RFWD3: variants seen among roughly 807,000 people sequenced by gnomAD.
RFWD3 encodes the protein ring finger and WD repeat domain 3.
In RFWD3, 65 loss-of-function variants were observed where a neutral mutation model predicts 87.7. The ratio of observed to expected loss-of-function variants is 0.74; its 90% CI spans 0.61 to 0.91. The LOEUF is 0.91. Among genes scored for constraint, RFWD3 ranks in the 40% least tolerant of loss-of-function variants. The pLI is 0.00. For missense variants in RFWD3, 1,078 were observed against 938.5 expected, an observed-to-expected ratio of 1.15 and a Z score of -1.94; for synonymous variants, 433 against 352.8, an observed-to-expected ratio of 1.23 and a Z score of -2.55.
chr16:74,651,093 GATTT>G (rs1960526588), intron 3 of RFWD3, among the ~76,000 whole-genome samples: 1 of 152,140 alleles, frequency 6.6e-6, no homozygotes, highest in Admixed American at 6.6e-5. Context: ...GATTTTCATT[GATTT>G]ATTATATTTC....
chr16:74,639,512 TGTGAAAGACACAAGAAAACA>T (rs1366317447), intron 6 of RFWD3, among the ~76,000 whole-genome samples: 1 of 152,188 alleles, frequency 6.6e-6, no homozygotes, highest in Non-Finnish European at 1.5e-5. Context: ...AAAATACACT[TGTGAAAGACACAAGAAAACA>T]GTGAACAAAT....
intron 2 of RFWD3, among the ~76,000 whole-genome samples, chr16:74,655,406 ATT>A (rs771700177): frequency 2.8e-5 from 4 of 143,798 alleles, no homozygotes; most frequent in Admixed American, 6.9e-5. Context: ...CGCCTGGCTA[ATT>A]TTTTTTTTTT....
chr16:74,628,406 C>T, intron 11 of RFWD3, 46 bp downstream of exon 11: 2 of 1,575,348 alleles, frequency 1.3e-6, no homozygotes, highest in Non-Finnish European at 1.7e-6. Flanking sequence ...CTTTTCTCTA[C>T]CACTGTGCTC....
Position 74,636,372 on chromosome 16 carries a change from G to A in RFWD3, c.1400C>T (p.Pro467Leu), listed in dbSNP as rs1382042248. The A allele has an allele frequency of 6.2e-7, 1 of 1,614,026 alleles. No individual in the cohort carries two copies. The highest frequency in any genetic ancestry group is 8.5e-7 in the Non-Finnish European group (1 of 1,179,978). ...TGGAAGAAAAGAGGCCTGAGGAGAA[G>A]GCTGTGATATCACCAGGCAGCTCAG... ...DALSCLVISQ[P>L]SPQASFLPGF... The change falls in exon 8 of 13, where the codon CCT (proline) becomes CTT (leucine). Residue 467 changes from proline to leucine, a missense_variant. Pro to Leu is a moderately conservative substitution (Grantham distance 98). Transcript: ENST00000361070.
At chr16:74,657,684 G>C (rs1318232069) in intron 2 of RFWD3, among the ~76,000 whole-genome samples, 1 of 152,058 alleles carries the variant, frequency 6.6e-6, no homozygotes, top group East Asian at 1.9e-4. Context: ...ATGTTGGCCA[G>C]GCTGGTCTCG....
At chr16:74,649,336 G>T (rs1960404414) in intron 3 of RFWD3, 134 bp from the exon 4 acceptor site, 1 of 573,984 alleles carries the variant, frequency 1.7e-6, no homozygotes, top group African/African-American at 2.0e-5. Context: ...CTGCAAAAAG[G>T]ATGACAACTT....
chr16:74,648,088 G>A (rs1317832248), intron 4 of RFWD3, among the ~76,000 whole-genome samples: 1 of 152,066 alleles, frequency 6.6e-6, no homozygotes, highest in Non-Finnish European at 1.5e-5. Flanking sequence ...AGGACTATAG[G>A]CGCATGCCAC....
chr16:74,642,289 A>C (rs2144174761), intron 6 of RFWD3, among the ~76,000 whole-genome samples: 1 of 151,422 alleles, frequency 6.6e-6, no homozygotes, highest in East Asian at 1.9e-4. Context: ...CATCCGGATA[A>C]TTTTTTGTAT....
At chr16:74,632,706 C>T (rs775719646) in intron 8 of RFWD3, 33 bp from the exon 9 acceptor site, 13 of 1,608,682 alleles carry the variant, frequency 8.1e-6, no homozygotes, top group Non-Finnish European at 1.1e-5. Flanking sequence ...AAATAGATCA[C>T]TGAAAGTGAA....
At chr16:74,663,408 G>T (rs977233511) in intron 1 of RFWD3, among the ~76,000 whole-genome samples, 1 of 152,184 alleles carries the variant, frequency 6.6e-6, no homozygotes, top group African/African-American at 2.4e-5. Flanking sequence ...AGGAACAATT[G>T]AGTGTCAAGT....
chr16:74,634,979 T>C (rs1959181756), intron 8 of RFWD3, among the ~76,000 whole-genome samples: 1 of 151,840 alleles, frequency 6.6e-6, no homozygotes, highest in African/African-American at 2.4e-5. Flanking sequence ...CCATTTCAAA[T>C]ACAAAAATTA....
At chr16:74,649,085 A>G in intron 4 of RFWD3, 47 bp downstream of exon 4, 1 of 1,266,712 alleles carries the variant, frequency 7.9e-7, no homozygotes, top group Non-Finnish European at 1.1e-6. Context: ...GTCTCTAAAA[A>G]TAAATAAATA....
At position 74,638,401 on chromosome 16, in the gene RFWD3, T is replaced by C. The variant is rs151239809; in HGVS notation, c.1080-431A>G. On this transcript the variant is annotated intron_variant, in intron 6 of 12. Transcript: ENST00000361070. ...AGCAAAAGTAGACATCAAGCAAATA[T>C]TAACAAAGGAAAGACCAATTAGAAT... Among the ~76,000 whole-genome samples, 639 of 152,024 alleles carry C rather than the reference T, an allele frequency of 4.2e-3. 3 individuals are homozygous for C. The highest frequency in any genetic ancestry group is 0.015 in the African/African-American group (602 of 41,488).
At chr16:74,628,766 G>A (rs1959009544) in intron 10 of RFWD3, 100 bp from the exon 11 acceptor site, 4 of 976,512 alleles carry the variant, frequency 4.1e-6, no homozygotes, top group Non-Finnish European at 6.3e-6. Flanking sequence ...CTGCAGAGGA[G>A]GTTAAACGCC....
At chr16:74,626,218 G>A (rs1195015021) in intron 12 of RFWD3, 125 bp downstream of exon 12, 10 of 794,530 alleles carry the variant, frequency 1.3e-5, no homozygotes, top group Non-Finnish European at 1.7e-5. Flanking sequence ...GGATATGTGG[G>A]ATTACAGAGC....
intron 4 of RFWD3, among the ~76,000 whole-genome samples, chr16:74,646,961 G>A (rs1345684560): frequency 6.6e-6 from 1 of 151,894 alleles, no homozygotes; most frequent in African/African-American, 2.4e-5. Context: ...GGTGGCAGGC[G>A]CCTGTAGTCC....
At chr16:74,629,580 C>T (rs1172322071) in intron 10 of RFWD3, among the ~76,000 whole-genome samples, 1 of 151,880 alleles carries the variant, frequency 6.6e-6, no homozygotes, top group Non-Finnish European at 1.5e-5. Flanking sequence ...TGATCCAAGA[C>T]TGTGCCACTG....
At chr16:74,650,520 C>T (rs1372637922) in intron 3 of RFWD3, among the ~76,000 whole-genome samples, 1 of 152,002 alleles carries the variant, frequency 6.6e-6, no homozygotes, top group Non-Finnish European at 1.5e-5. Flanking sequence ...GGTGGTATCA[C>T]CCTGGTCCCT....
At chr16:74,639,125 G>A (rs578219739) in intron 6 of RFWD3, among the ~76,000 whole-genome samples, 3 of 143,208 alleles carry the variant, frequency 2.1e-5, no homozygotes, top group African/African-American at 5.2e-5. Context: ...GGCTACCTCC[G>A]CCCCCCGGGT....
Sources: allele counts gnomAD v4.1 joint callset (sites outside exome capture counted in the v4.1 genomes callset), GRCh38; gene constraint gnomAD v4.1.1; transcripts MANE v1.5; gene names NCBI Gene and HGNC (gene_info 2026-07-23, HGNC 2026-07-21).